Variants in PIEZO2 observed in about 807,000 individuals in gnomAD.
PIEZO2 encodes the protein piezo type mechanosensitive ion channel component 2.
PIEZO2 carries 172 observed loss-of-function variants against 337.3 expected under a neutral mutation model. The ratio of observed to expected loss-of-function variants is 0.51; its 90% CI spans 0.45 to 0.58. The LOEUF (loss-of-function observed/expected upper bound fraction) is 0.58, where lower values mean the gene tolerates loss of function less well. Ranked by LOEUF, PIEZO2 falls within the 20% of genes least tolerant of loss-of-function variation. The probability of loss-of-function intolerance (pLI) is 0.00; values close to 1 mark genes in which losing one functional copy is unlikely to be tolerated. For missense variants in PIEZO2, 3,028 were observed against 3,391.3 expected (o/e 0.89, Z 2.66); for synonymous variants, 1,251 against 1,228.5 (o/e 1.02, Z -0.38).
intron 39 of PIEZO2, chr18:10,709,081 T>A (rs2035711422): frequency 6.6e-6 from 1 of 152,124 alleles, no homozygotes; most frequent in Non-Finnish European, 1.5e-5. Flanking sequence ...AGAAATAAAA[T>A]AAAAGGCTGT....
chr18:10,889,140 C>A (rs537012231), intron 4 of PIEZO2, among the ~76,000 whole-genome samples: 1 of 152,220 alleles, frequency 6.6e-6, no homozygotes, highest in South Asian at 2.1e-4. Flanking sequence ...CACAGGTCCA[C>A]CCAGGTGTGC....
intron 39 of PIEZO2, among the ~76,000 whole-genome samples, chr18:10,709,825 T>C (rs944046554): frequency 6.6e-6 from 1 of 152,270 alleles, no homozygotes; most frequent in Non-Finnish European, 1.5e-5. Context: ...GCGATAAGCC[T>C]GTGAGCAACC....
At chr18:10,732,709 G>A (rs919219363) in intron 35 of PIEZO2, among the ~76,000 whole-genome samples, 1 of 152,128 alleles carries the variant, frequency 6.6e-6, no homozygotes, top group Non-Finnish European at 1.5e-5. Context: ...ATGGGAAGAC[G>A]AACTGGAATT....
At position 10,726,697 on chromosome 18, in the gene PIEZO2, G is replaced by T; in HGVS notation, c.5029+4710C>A. The T allele has an allele frequency of 2.8e-6, 4 of 1,434,468 alleles. No individual in the cohort carries two copies. Among genetic ancestry groups the T allele is most frequent in the Non-Finnish European group, 3.9e-6 (4 of 1,028,628 alleles). The allele number at this position is 1,434,468 out of a possible 1,614,324, so 88.9% of individuals were successfully genotyped here. A position where few individuals can be genotyped will look rare whatever the true frequency, so the allele number is the denominator to read the frequency against. On this transcript the variant is annotated intron_variant, in intron 36 of 55. Coordinates refer to ENST00000674853, the MANE Select transcript of PIEZO2 (RefSeq NM_001378183.1). The surrounding 1 kb of genome is among the most constrained non-coding windows in gnomAD (Gnocchi z 5.9). ...GCCAAGTTAATTCAGCAAGGACCAG[G>T]TGTACCTGAACGGCATCCTGTGCAT...
chr18:11,045,480 A>C (rs2037278425), intron 2 of PIEZO2, among the ~76,000 whole-genome samples: 1 of 152,120 alleles, frequency 6.6e-6, no homozygotes, highest in African/African-American at 2.4e-5. Flanking sequence ...ACAGCACTTC[A>C]GCACCATGCA....
At chr18:10,964,613 C>G (rs1436590232) in intron 3 of PIEZO2, among the ~76,000 whole-genome samples, 1 of 152,132 alleles carries the variant, frequency 6.6e-6, no homozygotes. Context: ...AAACAATTAA[C>G]CATTTGAAAG....
At chr18:10,910,399 A>G (rs1349723636) in intron 4 of PIEZO2, among the ~76,000 whole-genome samples, 4 of 152,192 alleles carry the variant, frequency 2.6e-5, no homozygotes, top group Non-Finnish European at 5.9e-5. Flanking sequence ...TCTGGCCAAC[A>G]TAGTGAAACC....
At chr18:11,138,071 C>T (rs2040540891) in intron 1 of PIEZO2, among the ~76,000 whole-genome samples, 1 of 152,020 alleles carries the variant, frequency 6.6e-6, no homozygotes, top group African/African-American at 2.4e-5. Context: ...ACTTAAAAAC[C>T]AATCGCTATA....
chr18:10,916,062 T>C (rs992035731), intron 3 of PIEZO2, among the ~76,000 whole-genome samples: 1 of 152,144 alleles, frequency 6.6e-6, no homozygotes, highest in African/African-American at 2.4e-5. Flanking sequence ...ACAGAGTGCT[T>C]GGCAGAAAAG....
At chr18:10,879,313 C>T (rs183994126) in intron 4 of PIEZO2, among the ~76,000 whole-genome samples, 1 of 151,688 alleles carries the variant, frequency 6.6e-6, no homozygotes. Flanking sequence ...ATGACAATGA[C>T]GTGTTTTACA....
At chr18:10,892,578 T>C (rs2042787454) in intron 4 of PIEZO2, among the ~76,000 whole-genome samples, 1 of 151,928 alleles carries the variant, frequency 6.6e-6, no homozygotes, top group Admixed American at 6.6e-5. Flanking sequence ...GTGTATATTT[T>C]CAAATTCATA....
At chr18:10,804,615 G>T (rs2039936345) in intron 8 of PIEZO2, among the ~76,000 whole-genome samples, 1 of 152,198 alleles carries the variant, frequency 6.6e-6, no homozygotes, top group Non-Finnish European at 1.5e-5. Flanking sequence ...CTCATTGTCT[G>T]GGTCCCAGTG....
intron 2 of PIEZO2, among the ~76,000 whole-genome samples, chr18:11,055,616 AGTGAC>A (rs1278373839): frequency 6.8e-6 from 1 of 148,148 alleles, no homozygotes; most frequent in Admixed American, 6.8e-5. Flanking sequence ...ACAGTGACTC[AGTGAC>A]TATTTGTGTA....
At chr18:11,036,214 C>T (rs566038845) in intron 2 of PIEZO2, among the ~76,000 whole-genome samples, 1 of 152,170 alleles carries the variant, frequency 6.6e-6, no homozygotes, top group Non-Finnish European at 1.5e-5. Flanking sequence ...GGTTATTTTA[C>T]TTGCTGAAGA....
intron 1 of PIEZO2, among the ~76,000 whole-genome samples, chr18:11,120,543 G>C (rs537092922): frequency 6.6e-6 from 1 of 152,118 alleles, no homozygotes; most frequent in African/African-American, 2.4e-5. Context: ...AGAGGGTTTC[G>C]AAGCAGGAAA....
Position 10,970,660 on chromosome 18 carries a change from T to TCTCACACA in PIEZO2, c.286+8874_286+8875insTGTGTGAG, listed in dbSNP as rs1254875088. On this transcript the variant is annotated intron_variant, in intron 3 of 55. Transcript: ENST00000674853. Reference sequence around the variant, plus strand: ...CAAAACTTAGAACAAAAAAGATGTTTCACACACACACACACACACACACAC... The same window carrying TCTCACACA: ...CAAAACTTAGAACAAAAAAGATGTTTCTCACACACACACACACACACACACACACACAC... Among the ~76,000 whole-genome samples, 420 of 137,516 alleles carry TCTCACACA rather than the reference T, an allele frequency of 3.1e-3. 1 individual carries two copies. The highest frequency in any genetic ancestry group is 0.011 in the East Asian group (51 of 4,578). 90.2% of individuals were successfully genotyped at this position (137,516 alleles called of 152,430 possible).
At chr18:10,704,164 C>T (rs191063053) in intron 42 of PIEZO2, 26 of 570,368 alleles carry the variant, frequency 4.6e-5, no homozygotes, top group Middle Eastern at 4.7e-4. Context: ...TGCCAGTACC[C>T]GCCGTGCGTG....
chr18:11,108,331 C>T (rs1390691235), intron 1 of PIEZO2, among the ~76,000 whole-genome samples: 1 of 152,016 alleles, frequency 6.6e-6, no homozygotes, highest in Admixed American at 6.6e-5. Context: ...GAGTAACAGC[C>T]GGGGCCAGGC....
At chr18:10,816,760 G>A (rs2040376508) in intron 7 of PIEZO2, among the ~76,000 whole-genome samples, 1 of 152,068 alleles carries the variant, frequency 6.6e-6, no homozygotes, top group South Asian at 2.1e-4. Flanking sequence ...GTCTTAGGGA[G>A]GATTTCAATG....
Sources: gnomAD v4.1 joint callset for allele counts (sites outside exome capture counted in the v4.1 genomes callset) on GRCh38, gnomAD v4.1.1 for gene constraint, Gnocchi (gnomAD v3.1) non-coding constraint, MANE v1.5 for transcripts, NCBI Gene and HGNC (gene_info 2026-07-23, HGNC 2026-07-21) for gene names.